The following ZNF782 variants were observed in gnomAD, a reference collection of about 807,000 sequenced individuals.
ZNF782 encodes zinc finger protein 782.
A neutral mutation model predicts 13.0 loss-of-function variants in ZNF782; 12 were observed. The ratio of observed to expected loss-of-function variants is 0.92; its 90% CI spans 0.59 to 1.50. ZNF782 has a LOEUF of 1.50. Among genes scored for constraint, ZNF782 ranks in the 40% most tolerant of loss-of-function variants. ZNF782 has a pLI of 0.00. For missense variants in ZNF782, 770 were observed against 822.9 expected (o/e 0.94, Z 0.79); for synonymous variants, 284 against 283.0 (o/e 1.00, Z -0.04).
chr9:96,896,067 A>G, the ZNF782 span: 1 of 152,236 alleles, frequency 6.6e-6, no homozygotes, highest in Non-Finnish European at 1.5e-5. Flanking sequence ...ATCTTGGAGA[A>G]TGAGAGTAAA....
At chr9:96,858,164 C>T (rs531166592), upstream of ZNF782, among the ~76,000 whole-genome samples, 85 of 152,238 alleles carry the variant, frequency 5.6e-4, no homozygotes, top group Middle Eastern at 3.4e-3. The surrounding 1 kb of genome is among the most constrained non-coding windows in gnomAD (Gnocchi z 4.4). Context: ...CTGGTGTTTC[C>T]GCTGCCTTTA....
chr9:96,873,578 T>C (rs921659475), intron 1 of ZNF782, among the ~76,000 whole-genome samples: 9 of 152,236 alleles, frequency 5.9e-5, no homozygotes, highest in Admixed American at 1.3e-4. Context: ...CATCTGCCGA[T>C]GTTCCTAGCT....
chr9:96,862,739 T>C (rs957016263), intron 1 of ZNF782, among the ~76,000 whole-genome samples: 2 of 152,210 alleles, frequency 1.3e-5, no homozygotes, highest in African/African-American at 2.4e-5. Context: ...TAGGTGTACT[T>C]TGAAAGTTGA....
intron 1 of ZNF782, among the ~76,000 whole-genome samples, chr9:96,873,177 A>G (rs188219220): frequency 1.1e-4 from 16 of 152,248 alleles, no homozygotes; most frequent in Admixed American, 9.8e-4. Flanking sequence ...TTAATTCTTT[A>G]GTACCTAAGG....
At chr9:96,869,156 A>G (rs1851795166) in intron 1 of ZNF782, among the ~76,000 whole-genome samples, 1 of 152,086 alleles carries the variant, frequency 6.6e-6, no homozygotes, top group Non-Finnish European at 1.5e-5. Flanking sequence ...GAAAAATGAA[A>G]AGCTTCAAAA....
the ZNF782 span, chr9:96,887,323 A>AAGGCAGGGAGGGAGGG: frequency 2.0e-5 from 3 of 148,648 alleles, no homozygotes; most frequent in African/African-American, 7.8e-5. Context: ...GGAAGGAAGG[A>AAGGCAGGGAGGGAGGG]AGGAAGGAAG....
the ZNF782 span, among the ~76,000 whole-genome samples, chr9:96,920,712 G>A: frequency 7.4e-5 from 11 of 148,908 alleles, no homozygotes; most frequent in African/African-American, 2.0e-4. Context: ...TCAGGAGTTC[G>A]AGACCAGCCT....
chr9:96,855,128 AGCTTTTGGTTTTTATCCCTTAACATT>A (rs1285025674), upstream of ZNF782, among the ~76,000 whole-genome samples: 2 of 152,194 alleles, frequency 1.3e-5, no homozygotes, highest in Admixed American at 1.3e-4. Context: ...GTTAGAGAAA[AGCTTTTGGTTTTTATCCCTTAACATT>A]GCTTCTTGCC....
chr9:96,867,700 T>C (rs1851776197), intron 1 of ZNF782, among the ~76,000 whole-genome samples: 2 of 152,348 alleles, frequency 1.3e-5, no homozygotes, highest in Admixed American at 6.5e-5. Context: ...ATTGTGGTGC[T>C]CTGTGAGTGA....
chr9:96,920,013 T>C, the ZNF782 span, among the ~76,000 whole-genome samples: 2 of 151,378 alleles, frequency 1.3e-5, no homozygotes, highest in South Asian at 2.1e-4. Context: ...ATTGTAAACA[T>C]CTAGCTAAGA....
intron 5 of ZNF782, among the ~76,000 whole-genome samples, chr9:96,825,594 G>T (rs1850588350): frequency 6.6e-6 from 1 of 150,506 alleles, no homozygotes; most frequent in Admixed American, 6.6e-5. Context: ...CACAGCAAAA[G>T]AAACTACCAT....
the ZNF782 span, among the ~76,000 whole-genome samples, chr9:96,901,340 T>A: frequency 1.3e-5 from 2 of 148,328 alleles, no homozygotes; most frequent in Non-Finnish European, 3.0e-5. Flanking sequence ...GGTGCAATCT[T>A]GGCTCACTAC....
intron 4 of ZNF782, among the ~76,000 whole-genome samples, chr9:96,837,667 T>C (rs559600970): frequency 3.3e-5 from 5 of 152,366 alleles, no homozygotes; most frequent in South Asian, 4.1e-4. Context: ...TTTATAGCTA[T>C]ACATTTCCAT....
chr9:96,877,131 A>C (rs941043577), upstream of ZNF782, among the ~76,000 whole-genome samples: 1 of 152,030 alleles, frequency 6.6e-6, no homozygotes, highest in Admixed American at 6.6e-5. Flanking sequence ...CTTTTTACTA[A>C]ATTATACATA....
chr9:96,886,315 G>A, the ZNF782 span, among the ~76,000 whole-genome samples: 3 of 151,858 alleles, frequency 2.0e-5, no homozygotes, highest in African/African-American at 7.3e-5. Context: ...CTTAAGACAG[G>A]AAAGAGCATC....
chr9:96,899,727 A>C, the ZNF782 span, among the ~76,000 whole-genome samples: 7 of 152,194 alleles, frequency 4.6e-5, no homozygotes, highest in African/African-American at 1.7e-4. Flanking sequence ...CTAGATGGTA[A>C]ACCTCCAACT....
At chr9:96,915,406 C>T in the ZNF782 span, among the ~76,000 whole-genome samples, 1 of 150,220 alleles carries the variant, frequency 6.7e-6, no homozygotes, top group East Asian at 2.0e-4. Flanking sequence ...AGGCCGGGCA[C>T]CGTGGCTCAT....
chr9:96,873,636 G>A (rs1023139291), intron 1 of ZNF782, among the ~76,000 whole-genome samples: 1 of 152,232 alleles, frequency 6.6e-6, no homozygotes, highest in Non-Finnish European at 1.5e-5. Context: ...GGAGGCAGAC[G>A]TTGCAGTGAG....
upstream of ZNF782, among the ~76,000 whole-genome samples, chr9:96,879,090 T>C (rs1206365149): frequency 6.6e-6 from 1 of 152,226 alleles, no homozygotes; most frequent in Non-Finnish European, 1.5e-5. Context: ...CAGACACTTA[T>C]TGAAAACCTG....
Sources: gnomAD v4.1 joint callset for allele counts (sites outside exome capture counted in the v4.1 genomes callset) on GRCh38, gnomAD v4.1.1 for gene constraint, Gnocchi (gnomAD v3.1) non-coding constraint, MANE v1.5 for transcripts, NCBI Gene and HGNC (gene_info 2026-07-23, HGNC 2026-07-21) for gene names.